FAM177A1: variants seen among roughly 807,000 people sequenced by gnomAD.
FAM177A1 encodes the protein protein FAM177A1.
In FAM177A1, 22 loss-of-function variants were observed where a neutral mutation model predicts 26.1. That is an observed-to-expected ratio of 0.84 (90% CI 0.60 to 1.20). The LOEUF is 1.20. Ranked by LOEUF, FAM177A1 falls within the 50% of genes most tolerant of loss-of-function variation. The pLI is 0.00. For synonymous variants in FAM177A1, 95 were observed against 99.3 expected, an observed-to-expected ratio of 0.96 and a Z score of 0.26; for missense variants, 296 against 291.1, an observed-to-expected ratio of 1.02 and a Z score of -0.12.
At chr14:35,063,092 C>T (rs536328482) in intron 2 of FAM177A1, among the ~76,000 whole-genome samples, 107 of 136,558 alleles carry the variant, frequency 7.8e-4, no homozygotes, top group Non-Finnish European at 1.3e-3. Context: ...ACCCGGGAGT[C>T]GGAGATTGCA....
intron 4 of FAM177A1, among the ~76,000 whole-genome samples, chr14:35,080,048 A>G (rs2045455293): frequency 2.1e-5 from 1 of 47,984 alleles, no homozygotes; most frequent in Non-Finnish European, 5.9e-5. Flanking sequence ...CTAGCCTCCT[A>G]AATGGTCTCT....
intron 2 of FAM177A1, among the ~76,000 whole-genome samples, chr14:35,075,384 G>A (rs528086343): frequency 3.0e-4 from 46 of 152,182 alleles, no homozygotes; most frequent in Admixed American, 1.0e-3. Context: ...TCCCAGCACC[G>A]TTTATTAAAT....
chr14:35,053,649 G>C (rs1052172898), intron 2 of FAM177A1, among the ~76,000 whole-genome samples, 198 bp downstream of exon 2: 1 of 152,144 alleles, frequency 6.6e-6, no homozygotes, highest in African/African-American at 2.4e-5. Flanking sequence ...TCAGTAGCCT[G>C]AAACAGCTTG....
At chr14:35,054,232 A>C (rs1004407116) in intron 2 of FAM177A1, among the ~76,000 whole-genome samples, 4 of 152,162 alleles carry the variant, frequency 2.6e-5, no homozygotes, top group Non-Finnish European at 4.4e-5. Context: ...AAACAAAACA[A>C]AACAAAAGTT....
At chr14:35,047,066 C>T in intron 1 of FAM177A1, 10 of 963,184 alleles carry the variant, frequency 1.0e-5, no homozygotes, top group Non-Finnish European at 1.1e-5. Context: ...TCACTGGATC[C>T]TTACAGTAAC....
chr14:35,078,950 A>G lies in FAM177A1; in HGVS notation c.430A>G (p.Ile144Val), dbSNP rs1478501000. Residue 144 changes from isoleucine to valine, a missense_variant, in exon 4 of 5, where the codon ATT becomes GTT. Coordinates refer to ENST00000280987, the MANE Select transcript of FAM177A1 (RefSeq NM_173607.5). ...AGTGTGTGACTTCCTTGGAGAGAAG[A>G]TTGCATCTGTTTTGGGTATCAGCAC... is the stretch of plus-strand genomic sequence containing the variant. Reference protein sequence around the residue: ...LSVCDFLGEKIASVLGISTPK... With the variant: ...LSVCDFLGEKVASVLGISTPK... 6.5e-7 allele frequency: 1 copy of G among 1,545,476 alleles called. No individual in the cohort carries two copies. Among genetic ancestry groups the G allele is most frequent in the Non-Finnish European group, 8.6e-7 (1 of 1,158,222 alleles).
chr14:35,077,282 A>G, intron 3 of FAM177A1, 66 bp downstream of exon 3: 1 of 1,424,614 alleles, frequency 7.0e-7, no homozygotes, highest in Non-Finnish European at 9.9e-7. Context: ...GAACTTTGCT[A>G]AATAGGATGT....
intron 1 of FAM177A1, among the ~76,000 whole-genome samples, chr14:35,052,673 C>A (rs2044993220): frequency 6.6e-6 from 1 of 151,854 alleles, no homozygotes; most frequent in Non-Finnish European, 1.5e-5. Context: ...GCCTGTAATC[C>A]TAAAACTTTG....
chr14:35,073,154 T>A (rs2045348456), intron 2 of FAM177A1, among the ~76,000 whole-genome samples: 1 of 152,150 alleles, frequency 6.6e-6, no homozygotes, highest in African/African-American at 2.4e-5. Context: ...CACTGCAACC[T>A]CCATCTCCTG....
intron 1 of FAM177A1, among the ~76,000 whole-genome samples, chr14:35,047,307 A>G (rs1323453644): frequency 6.6e-6 from 1 of 152,222 alleles, no homozygotes; most frequent in Non-Finnish European, 1.5e-5. Flanking sequence ...TTAATGAAGT[A>G]TTTGCATTCT....
At position 35,081,076 on chromosome 14, in the gene FAM177A1, C is replaced by T; in HGVS notation, c.559C>T (p.Gln187Ter). 1 of 1,612,784 alleles carries T rather than the reference C, an allele frequency of 6.2e-7. No individual in the cohort carries two copies. Among genetic ancestry groups the T allele is most frequent in the Non-Finnish European group, 8.5e-7 (1 of 1,179,552 alleles). Residue 187 changes from glutamine (Q) to a stop codon, truncating the protein, a stop_gained, in exon 5 of 5, where the codon CAA (glutamine) becomes TAA (stop). Transcript: ENST00000280987. LOFTEE classifies it high-confidence loss of function. ...GTCTGAAGAAGCAGAAAAACAATAT[C>T]AACAGAATAAATTGCAGACTGATTC... The part of the protein sequence containing the change: ...RMSEEAEKQY[Q>*]QNKLQTDSIV...
At chr14:35,051,213 G>A (rs369717733) in intron 1 of FAM177A1, among the ~76,000 whole-genome samples, 2 of 152,196 alleles carry the variant, frequency 1.3e-5, no homozygotes, top group East Asian at 1.9e-4. Flanking sequence ...GCCACCTCCC[G>A]GGTTTAAGTG....
intron 4 of FAM177A1, 105 bp from the exon 5 acceptor site, chr14:35,080,917 T>G: frequency 9.6e-6 from 12 of 1,249,696 alleles, no homozygotes; most frequent in Non-Finnish European, 1.2e-5. Context: ...TGACACTTTT[T>G]TTTTTTTTTT....
intron 2 of FAM177A1, among the ~76,000 whole-genome samples, chr14:35,067,031 A>T (rs1280874342): frequency 6.6e-6 from 1 of 152,184 alleles, no homozygotes; most frequent in African/African-American, 2.4e-5. Flanking sequence ...ACCTCAGGTG[A>T]TCTGCCCACC....
intron 2 of FAM177A1, among the ~76,000 whole-genome samples, chr14:35,075,843 A>G (rs1479562136): frequency 6.6e-6 from 1 of 152,252 alleles, no homozygotes; most frequent in Non-Finnish European, 1.5e-5. Flanking sequence ...AGACACATGA[A>G]AAAATGCTCA....
At chr14:35,062,664 C>A (rs1418096416) in intron 2 of FAM177A1, among the ~76,000 whole-genome samples, 1 of 151,864 alleles carries the variant, frequency 6.6e-6, no homozygotes, top group East Asian at 1.9e-4. Context: ...AGCACAGTGC[C>A]TCATGCCTAT....
intron 3 of FAM177A1, among the ~76,000 whole-genome samples, chr14:35,077,515 G>A (rs1488543707): frequency 1.9e-4 from 23 of 121,386 alleles, no homozygotes; most frequent in Non-Finnish European, 2.9e-4. Flanking sequence ...TCGCTCTGTC[G>A]CCCAGGCCGG....
At position 35,046,459 on chromosome 14, in the gene FAM177A1, C is replaced by G; in HGVS notation, c.-5C>G. On this transcript the variant is annotated 5_prime_UTR_variant, in exon 1 of 5. Transcript: ENST00000280987. ...TCGGCCAGCGACTGGGCGGGGAGACCAAGGATGGAAGTGGGCTTACCGGCC... is the reference window on the plus strand; with the variant it reads ...TCGGCCAGCGACTGGGCGGGGAGACGAAGGATGGAAGTGGGCTTACCGGCC... The G allele has an allele frequency of 1.3e-6, 2 of 1,560,628 alleles. No individual in the cohort carries two copies. The highest frequency in any genetic ancestry group is 1.2e-5 in the South Asian group (1 of 86,138).
At chr14:35,060,464 T>C (rs1012000586) in intron 2 of FAM177A1, among the ~76,000 whole-genome samples, 3 of 152,210 alleles carry the variant, frequency 2.0e-5, no homozygotes, top group Non-Finnish European at 2.9e-5. Flanking sequence ...AGGTATTTTT[T>C]GTTGCCTGAT....
Sources: allele counts gnomAD v4.1 joint callset (sites outside exome capture counted in the v4.1 genomes callset), GRCh38; gene constraint gnomAD v4.1.1; transcripts MANE v1.5; gene names NCBI Gene and HGNC (gene_info 2026-07-23, HGNC 2026-07-21).